Variants in MAN1A1 observed in about 807,000 individuals in gnomAD.
MAN1A1 encodes mannosidase alpha class 1A member 1.
In MAN1A1, 29 loss-of-function variants were observed where a neutral mutation model predicts 70.8. That is an observed-to-expected ratio of 0.41 (90% CI 0.31 to 0.56). The LOEUF is 0.56. MAN1A1 is among the 20% of genes least tolerant of loss of function. MAN1A1 has a pLI of 0.29. For synonymous variants in MAN1A1, 349 were observed against 330.1 expected (o/e 1.06, Z -0.62); for missense variants, 747 against 841.3 (o/e 0.89, Z 1.39).
At chr6:119,209,833 A>G (rs570036201) in intron 6 of MAN1A1, among the ~76,000 whole-genome samples, 3 of 152,264 alleles carry the variant, frequency 2.0e-5, no homozygotes, top group East Asian at 1.9e-4. Context: ...GCTTGCAGAA[A>G]CTGACTGTGG....
At chr6:119,294,580 T>A (rs992015317) in intron 4 of MAN1A1, among the ~76,000 whole-genome samples, 21 of 152,132 alleles carry the variant, frequency 1.4e-4, no homozygotes. Context: ...CTTACATCAG[T>A]GGCAGTTTAA....
At chr6:119,315,061 C>T (rs954822661) in intron 2 of MAN1A1, among the ~76,000 whole-genome samples, 12 of 152,162 alleles carry the variant, frequency 7.9e-5, no homozygotes, top group African/African-American at 2.9e-4. Flanking sequence ...TCTCTTTCCT[C>T]TTTCTGTATT....
chr6:119,267,247 G>T (rs1338505905), intron 5 of MAN1A1, among the ~76,000 whole-genome samples: 1 of 152,118 alleles, frequency 6.6e-6, no homozygotes, highest in Non-Finnish European at 1.5e-5. Context: ...TTAAACTAAC[G>T]AACTGAAAAT....
chr6:119,330,601 G>A (rs983474308), intron 2 of MAN1A1, among the ~76,000 whole-genome samples: 1 of 152,056 alleles, frequency 6.6e-6, no homozygotes, highest in Non-Finnish European at 1.5e-5. Context: ...TCTGCAACTT[G>A]AAACCCTCCC....
chr6:119,217,904 T>G (rs1184802315), intron 6 of MAN1A1, among the ~76,000 whole-genome samples: 1 of 152,232 alleles, frequency 6.6e-6, no homozygotes, highest in African/African-American at 2.4e-5. Flanking sequence ...CTTAGCAACA[T>G]GCCTGTTTCA....
intron 10 of MAN1A1, among the ~76,000 whole-genome samples, chr6:119,188,829 T>C (rs949839875): frequency 9.2e-5 from 14 of 152,310 alleles, no homozygotes; most frequent in African/African-American, 3.4e-4. Flanking sequence ...CTTAATACAG[T>C]GTAAATGTTA....
chr6:119,224,934 C>T (rs184004843), intron 6 of MAN1A1, among the ~76,000 whole-genome samples: 248 of 152,138 alleles, frequency 1.6e-3, no homozygotes, highest in African/African-American at 5.6e-3. Flanking sequence ...CAAGACCAGC[C>T]TGCTCAACAT....
intron 5 of MAN1A1, among the ~76,000 whole-genome samples, chr6:119,284,388 A>G (rs150901887): frequency 2.8e-4 from 43 of 152,296 alleles, no homozygotes; most frequent in African/African-American, 1.0e-3. Flanking sequence ...ACTCACGGTC[A>G]TCAAAACTTT....
intron 6 of MAN1A1, among the ~76,000 whole-genome samples, chr6:119,214,640 C>G (rs1022390977): frequency 6.6e-6 from 1 of 152,058 alleles, no homozygotes; most frequent in African/African-American, 2.4e-5. Flanking sequence ...CCACCTCAGC[C>G]TCCTGAGGCG....
intron 2 of MAN1A1, among the ~76,000 whole-genome samples, chr6:119,316,451 C>A (rs1772857912): frequency 6.6e-6 from 1 of 152,064 alleles, no homozygotes; most frequent in Non-Finnish European, 1.5e-5. Context: ...CAGGAGTGAG[C>A]CACCATGCCC....
At chr6:119,340,620 C>A (rs1351861296) in intron 2 of MAN1A1, among the ~76,000 whole-genome samples, 1 of 152,184 alleles carries the variant, frequency 6.6e-6, no homozygotes, top group Non-Finnish European at 1.5e-5. Flanking sequence ...GACAAACAGG[C>A]ACCAGCAACA....
chr6:119,350,427 A>T, upstream of MAN1A1: 1 of 482,350 alleles, frequency 2.1e-6, no homozygotes. Context: ...GTGCTTGCTT[A>T]GGACTTTTTT....
At chr6:119,288,624 G>A (rs1308114404) in intron 5 of MAN1A1, among the ~76,000 whole-genome samples, 1 of 151,834 alleles carries the variant, frequency 6.6e-6, no homozygotes, top group Non-Finnish European at 1.5e-5. Flanking sequence ...AAGTGATGAT[G>A]TTAAAACAAT....
chr6:119,194,990 A>G (rs538002786), intron 8 of MAN1A1, among the ~76,000 whole-genome samples: 2 of 151,324 alleles, frequency 1.3e-5, no homozygotes, highest in South Asian at 4.2e-4. Flanking sequence ...CCACCACCAC[A>G]CCTGGCTAAT....
At chr6:119,258,486 G>C (rs1318107387) in intron 5 of MAN1A1, among the ~76,000 whole-genome samples, 1 of 152,120 alleles carries the variant, frequency 6.6e-6, no homozygotes, top group African/African-American at 2.4e-5. Context: ...ATCTAGAGAT[G>C]ATTTAAAGAA....
chr6:119,228,080 A>G (rs7357048), intron 6 of MAN1A1, among the ~76,000 whole-genome samples: 63,866 of 152,056 alleles, frequency 0.42, 13,886 homozygotes, highest in East Asian at 0.67. Context: ...CCTAGTTCTT[A>G]GTTTAACATA....
At chr6:119,236,888 G>A (rs1286435449) in intron 6 of MAN1A1, among the ~76,000 whole-genome samples, 1 of 128,242 alleles carries the variant, frequency 7.8e-6, no homozygotes, top group Non-Finnish European at 1.8e-5. Context: ...TGTAATTTAT[G>A]GGAGGAAGTA....
At chr6:119,238,161 C>T (rs1774907408) in intron 6 of MAN1A1, among the ~76,000 whole-genome samples, 1 of 152,062 alleles carries the variant, frequency 6.6e-6, no homozygotes, top group African/African-American at 2.4e-5. Flanking sequence ...CTGACTTTGT[C>T]CCCAAAGGGG....
chr6:119,227,378 C>T (rs1470389079), intron 6 of MAN1A1, among the ~76,000 whole-genome samples: 2 of 152,156 alleles, frequency 1.3e-5, no homozygotes, highest in Admixed American at 6.5e-5. Context: ...TGTCAAAATA[C>T]ACTGAAATTT....
Sources: allele counts gnomAD v4.1 joint callset (sites outside exome capture counted in the v4.1 genomes callset), GRCh38; gene constraint gnomAD v4.1.1; transcripts MANE v1.5; gene names NCBI Gene and HGNC (gene_info 2026-07-23, HGNC 2026-07-21).